The following CACNG6 variants were observed in gnomAD, a reference collection of about 807,000 sequenced individuals.
CACNG6 encodes the protein voltage-dependent calcium channel gamma-6 subunit.
In CACNG6, 21 loss-of-function variants were observed where a neutral mutation model predicts 23.9. The ratio of observed to expected loss-of-function variants is 0.88; its 90% CI spans 0.62 to 1.26. CACNG6 has a LOEUF of 1.26. Ranked by LOEUF, CACNG6 falls within the 50% of genes most tolerant of loss-of-function variation. The pLI is 0.00. For missense variants in CACNG6, 340 were observed against 352.9 expected, an observed-to-expected ratio of 0.96 and a Z score of 0.29; for synonymous variants, 182 against 168.9, an observed-to-expected ratio of 1.08 and a Z score of -0.60.
At chr19:54,002,267 G>GTTTTTTGT (rs1555818478) in intron 3 of CACNG6, among the ~76,000 whole-genome samples, 1 of 131,932 alleles carries the variant, frequency 7.6e-6, no homozygotes, top group Non-Finnish European at 1.5e-5. Context: ...CTAATTTTCG[G>GTTTTTTGT]TTTTTTTGTT....
rs17273197 is a variant in CACNG6 at position 54,000,229 on chromosome 19, C to T, written c.544+458C>T. 3.2e-3 allele frequency among the ~76,000 whole-genome samples: 492 copies of T among 152,268 alleles called. 1 individual carries two copies. The highest frequency in any genetic ancestry group is 0.024 in the Middle Eastern group (7 of 294). On this transcript the variant is annotated intron_variant, in intron 3 of 3. Transcript: ENST00000252729. Reference sequence around the variant, plus strand: ...GGCTGGGAATTGGAAGCTGTCCAAACGCTTTTCAAGGTTTGAACATGGAGT... The same window carrying T: ...GGCTGGGAATTGGAAGCTGTCCAAATGCTTTTCAAGGTTTGAACATGGAGT...
intron 3 of CACNG6, among the ~76,000 whole-genome samples, chr19:54,010,811 C>T (rs2145969562): frequency 6.6e-6 from 1 of 152,080 alleles, no homozygotes; most frequent in Admixed American, 6.6e-5. Flanking sequence ...AAAATCCTGG[C>T]CTCAGGCAAT....
intron 1 of CACNG6, among the ~76,000 whole-genome samples, chr19:53,996,487 G>A (rs953859561): frequency 1.3e-5 from 2 of 151,736 alleles, no homozygotes; most frequent in African/African-American, 2.4e-5. Context: ...CTGCTTCCCG[G>A]GTTCAAGCGA....
rs1207117710 is a variant in CACNG6 at position 54,004,336 on chromosome 19, TGTGTGTGTGTGTGTG to T, written c.544+4566_544+4580del. ...CCACGCCTGGTTAATTTTGTATTTTTGTGTGTGTGTGTGTGTGTGTGTGTGTGTGTGTGTGTGTGT... is the reference window on the plus strand; with the variant it reads ...CCACGCCTGGTTAATTTTGTATTTTTTGTGTGTGTGTGTGTGTGTGTGTGT... On this transcript the variant is annotated intron_variant, in intron 3 of 3. Coordinates refer to ENST00000252729, the MANE Select transcript of CACNG6 (RefSeq NM_145814.2). Among the ~76,000 whole-genome samples the T allele has an allele frequency of 3.3e-3, 97 of 29,730 alleles. 1 individual carries two copies. The highest frequency in any genetic ancestry group is 0.024 in the Admixed American group (37 of 1,512). 19.5% of individuals were successfully genotyped at this position (29,730 alleles called of 152,430 possible).
rs1282538395 is a variant in CACNG6, at chr19:53,991,752, G to A, written c.-1126G>A. Among the ~76,000 whole-genome samples, 1 of 151,998 alleles carries A rather than the reference G, an allele frequency of 6.6e-6. No homozygotes were observed. Among genetic ancestry groups the A allele is most frequent in the Admixed American group, 6.5e-5 (1 of 15,274 alleles). Reference sequence around the variant, plus strand: ...GCCCCTGCTCGGGAGTCGGGGGTGGGAGCCCCGAGGGGGGGCCCTGGCCTG... The same window carrying A: ...GCCCCTGCTCGGGAGTCGGGGGTGGAAGCCCCGAGGGGGGGCCCTGGCCTG... On this transcript the variant is annotated 5_prime_UTR_variant, in exon 1 of 4. Coordinates refer to ENST00000252729, the MANE Select transcript of CACNG6 (RefSeq NM_145814.2).
rs2069460515 is a variant in CACNG6 at position 53,991,658 on chromosome 19, A to G, written c.-1220A>G. Reference sequence around the variant, plus strand: ...GGCCAGGCCGGTGGCGGTGGCGGGCACAGCCGGACGCTTCGGAGGCAGCGC... The same window carrying G: ...GGCCAGGCCGGTGGCGGTGGCGGGCGCAGCCGGACGCTTCGGAGGCAGCGC... On this transcript the variant is annotated 5_prime_UTR_variant, in exon 1 of 4. Transcript: ENST00000252729. 6.6e-6 allele frequency among the ~76,000 whole-genome samples: 1 copy of G among 151,466 alleles called. No individual in the cohort carries two copies.
At chr19:54,002,290 T>TG (rs2069587537) in intron 3 of CACNG6, among the ~76,000 whole-genome samples, 1 of 144,814 alleles carries the variant, frequency 6.9e-6, no homozygotes. Flanking sequence ...TTTTGTTTTT[T>TG]TTTTTTTTGT....
At chr19:54,005,140 T>C (rs2069626357) in intron 3 of CACNG6, among the ~76,000 whole-genome samples, 1 of 147,684 alleles carries the variant, frequency 6.8e-6, no homozygotes, top group African/African-American at 2.5e-5. Flanking sequence ...ACCCGGGAGG[T>C]GGAGGTTGCA....
intron 3 of CACNG6, among the ~76,000 whole-genome samples, chr19:54,009,469 T>C (rs78566439): frequency 2.0e-5 from 3 of 148,294 alleles, no homozygotes; most frequent in Non-Finnish European, 3.0e-5. Context: ...AAAAAAAAAT[T>C]AGCCAGGCGT....
In CACNG6 at chr19:54,011,474, A is replaced by T. The variant is rs1172360102; in HGVS notation, c.545-477A>T. ...AAAAACAAAACAAAACAAAAACAAA[A>T]AACTAAGGAACCATATTCACCCTAC... On this transcript the variant is annotated intron_variant, in intron 3 of 3. Transcript: ENST00000252729. 1.0e-4 allele frequency among the ~76,000 whole-genome samples: 15 copies of T among 150,540 alleles called. 1 individual carries two copies. Among genetic ancestry groups the T allele is most frequent in the Admixed American group, 9.3e-4 (14 of 15,068 alleles).
chr19:53,997,437 T>C (rs1419770083), intron 1 of CACNG6, among the ~76,000 whole-genome samples: 4 of 152,150 alleles, frequency 2.6e-5, no homozygotes, highest in Non-Finnish European at 5.9e-5. Flanking sequence ...GTTTTTTTTT[T>C]CTGGAGTTAT....
chr19:53,992,992 G>T lies in CACNG6; in HGVS notation c.115G>T (p.Val39Leu). The T allele has an allele frequency of 6.9e-7, 1 of 1,447,504 alleles. No individual in the cohort carries two copies. Among genetic ancestry groups the T allele is most frequent in the Non-Finnish European group, 9.1e-7 (1 of 1,102,014 alleles). The allele number at this position is 1,447,504 out of a possible 1,614,324, so 89.7% of individuals were successfully genotyped here. ...GCTGACGCCCGAGCGCGAGGGGAAG[G>T]TGAAGCTGGCGCTGCTGCTGGCCGC... ...SGLTPEREGK[V>L]KLALLLAAVG... The change falls in exon 1 of 4, where the codon GTG becomes TTG. Residue 39 changes from valine to leucine, a missense_variant. Transcript: ENST00000252729. This position sits in a 1 kb window ranked among gnomAD's most constrained non-coding sequence, Gnocchi z 4.1.
At chr19:53,997,303 T>G (rs1174173080) in intron 1 of CACNG6, among the ~76,000 whole-genome samples, 1 of 152,204 alleles carries the variant, frequency 6.6e-6, no homozygotes, top group Non-Finnish European at 1.5e-5. Context: ...GGAGAGATTT[T>G]CACAAGGACT....
chr19:53,997,420 CTGTTT>C (rs2069531421), intron 1 of CACNG6, among the ~76,000 whole-genome samples: 1 of 151,726 alleles, frequency 6.6e-6, no homozygotes, highest in Non-Finnish European at 1.5e-5. Context: ...ATATATATTC[CTGTTT>C]TGTTTTTTTT....
chr19:54,002,275 GT>G lies in CACNG6; in HGVS notation c.544+2512del, dbSNP rs1174799698. ...AGCCCGGCTAATTTTCGGTTTTTTTGTTTTTTTTGTTTTTTTTTTTTTTGTA... is the reference window on the plus strand; with the variant it reads ...AGCCCGGCTAATTTTCGGTTTTTTTGTTTTTTTGTTTTTTTTTTTTTTGTA... On this transcript the variant is annotated intron_variant, in intron 3 of 3. Coordinates refer to ENST00000252729, the MANE Select transcript of CACNG6 (RefSeq NM_145814.2). 2.9e-4 allele frequency among the ~76,000 whole-genome samples: 34 copies of G among 116,430 alleles called. 2 individuals carry two copies. The highest frequency in any genetic ancestry group is 1.5e-3 in the African/African-American group (33 of 21,584). 76.4% of individuals were successfully genotyped at this position (116,430 alleles called of 152,430 possible). A position where few individuals can be genotyped will look rare whatever the true frequency, so the allele number is the denominator to read the frequency against.
At chr19:54,004,045 T>C (rs192388471) in intron 3 of CACNG6, among the ~76,000 whole-genome samples, 10 of 152,206 alleles carry the variant, frequency 6.6e-5, no homozygotes, top group Admixed American at 5.9e-4. Flanking sequence ...TTTGCAGAGA[T>C]GAGGTCTCAC....
chr19:54,003,170 G>T (rs1308838487), intron 3 of CACNG6, among the ~76,000 whole-genome samples: 1 of 152,072 alleles, frequency 6.6e-6, no homozygotes, highest in East Asian at 1.9e-4. Flanking sequence ...GAGATGTGAA[G>T]AATAAGGACA....
chr19:54,011,205 A>AAAAAAAAAAATATATAT (rs58054808), intron 3 of CACNG6, among the ~76,000 whole-genome samples: 2 of 102,544 alleles, frequency 2.0e-5, no homozygotes, highest in African/African-American at 9.9e-5. Context: ...AAAAAAAAAA[A>AAAAAAAAAAATATATAT]ATATATATAT....
intron 3 of CACNG6, among the ~76,000 whole-genome samples, chr19:54,005,377 T>C (rs1031727939): frequency 2.9e-4 from 44 of 149,202 alleles, no homozygotes; most frequent in African/African-American, 1.0e-3. Context: ...CTGGGCAACA[T>C]AGTGAAACCC....
Sources: gnomAD v4.1 joint callset for allele counts (sites outside exome capture counted in the v4.1 genomes callset) on GRCh38, gnomAD v4.1.1 for gene constraint, Gnocchi (gnomAD v3.1) non-coding constraint, MANE v1.5 for transcripts, NCBI Gene and HGNC (gene_info 2026-07-23, HGNC 2026-07-21) for gene names.